The following USP7 variants were observed in gnomAD, a reference collection of about 807,000 sequenced individuals.
USP7 encodes the protein ubiquitin specific peptidase 7.
In USP7, 9 loss-of-function variants were observed where a neutral mutation model predicts 162.9. The observed-to-expected ratio is 0.06, with a 90% confidence interval of 0.03 to 0.10. USP7 has a LOEUF of 0.10. USP7 is among the 10% of genes least tolerant of loss of function. The pLI, the probability that USP7 is intolerant of heterozygous loss-of-function variation, is 1.00. For missense variants in USP7, 715 were observed against 1,373.7 expected (o/e 0.52, Z 7.58); for synonymous variants, 562 against 475.9 (o/e 1.18, Z -2.35).
At chr16:8,895,449 T>C (rs986225846) in intron 27 of USP7, among the ~76,000 whole-genome samples, 193 bp downstream of exon 27, 1 of 152,248 alleles carries the variant, frequency 6.6e-6, no homozygotes, top group Non-Finnish European at 1.5e-5. Context: ...TCTGTCTGGA[T>C]TGGGTTGGTA....
At chr16:8,908,212 G>A in intron 12 of USP7, 129 bp downstream of exon 12, 1 of 770,434 alleles carries the variant, frequency 1.3e-6, no homozygotes, top group South Asian at 1.6e-5. Context: ...TTGGGACACA[G>A]AGGTAGAAGG....
intron 10 of USP7, among the ~76,000 whole-genome samples, chr16:8,914,128 T>C (rs1438576885): frequency 1.3e-5 from 2 of 152,070 alleles, no homozygotes; most frequent in African/African-American, 4.8e-5. Flanking sequence ...GTTAAAGTAT[T>C]TAAACAAGCA....
intron 1 of USP7, among the ~76,000 whole-genome samples, chr16:8,961,966 A>G (rs1462229127): frequency 1.3e-5 from 2 of 152,172 alleles, no homozygotes; most frequent in African/African-American, 4.8e-5. Flanking sequence ...GCAGAATCCC[A>G]GCCACTTTGT....
intron 4 of USP7, 97 bp downstream of exon 4, chr16:8,921,060 G>T: frequency 7.5e-7 from 1 of 1,328,054 alleles, no homozygotes; most frequent in Non-Finnish European, 1.0e-6. Flanking sequence ...GTAAAAATCT[G>T]ACTCTAAAAT....
intron 12 of USP7, among the ~76,000 whole-genome samples, 196 bp downstream of exon 12, chr16:8,908,145 C>T (rs888727208): frequency 6.6e-6 from 1 of 152,176 alleles, no homozygotes; most frequent in Non-Finnish European, 1.5e-5. Context: ...GAAATGGACT[C>T]GGCAGAGGTT....
At position 8,899,608 on chromosome 16, in the gene USP7, A is replaced by C. The variant is rs1319085921; in HGVS notation, c.2459T>G (p.Phe820Cys). 4.3e-6 allele frequency: 7 copies of C among 1,613,994 alleles called. No homozygotes were observed. The highest frequency in any genetic ancestry group is 5.9e-6 in the Non-Finnish European group (7 of 1,179,868). Residue 820 changes from phenylalanine to cysteine, a missense_variant, in exon 22 of 31, where the codon TTT (phenylalanine) becomes TGT (cysteine). By Grantham distance (205) the Phe-to-Cys change is radical. Coordinates refer to ENST00000344836, the MANE Select transcript of USP7 (RefSeq NM_003470.3). ...AAAGGAGCATTTATTAAATACCTGA[A>C]AATAATTCATTCTATTTGATAACGT... ...VVTLSNRMNY[F>C]QVAKTVAQRL...
intron 2 of USP7, among the ~76,000 whole-genome samples, chr16:8,926,510 A>G (rs1014343588): frequency 5.3e-5 from 8 of 152,188 alleles, no homozygotes; most frequent in Admixed American, 2.6e-4. Flanking sequence ...GGAGGGCCAA[A>G]AAAAAGGAGA....
In USP7 at chr16:8,899,673, G is replaced by A; in HGVS notation, c.2394C>T (p.Phe798=). 6.2e-7 allele frequency: 1 copy of A among 1,614,186 alleles called. No homozygotes were observed. The highest frequency in any genetic ancestry group is 8.5e-7 in the Non-Finnish European group (1 of 1,180,000). Residue 798 remains phenylalanine, a synonymous_variant, in exon 22 of 31, where the codon TTC becomes TTT. Transcript: ENST00000344836. ...GATCATTAGGGATTGTTTTATCACA[G>A]AAAATGACATCAACGCGGTGGTAGA... ...RDLYHRVDVI[F]CDKTIPNDPG...
At chr16:8,938,094 G>C (rs942632740) in intron 1 of USP7, among the ~76,000 whole-genome samples, 1 of 152,068 alleles carries the variant, frequency 6.6e-6, no homozygotes, top group Non-Finnish European at 1.5e-5. Flanking sequence ...AGCTGGACTG[G>C]CAAAGGCACT....
intron 1 of USP7, among the ~76,000 whole-genome samples, chr16:8,934,310 G>A (rs894267502): frequency 1.3e-5 from 2 of 152,172 alleles, no homozygotes; most frequent in African/African-American, 2.4e-5. Flanking sequence ...GGTTTCATGA[G>A]ATGCAGTGAA....
intron 1 of USP7, among the ~76,000 whole-genome samples, chr16:8,938,665 C>G (rs1239666588): frequency 6.6e-6 from 1 of 151,110 alleles, no homozygotes; most frequent in Admixed American, 6.6e-5. Flanking sequence ...GAGCGGAGAT[C>G]GCACCACTGC....
At chr16:8,945,995 G>T (rs1441157977) in intron 1 of USP7, among the ~76,000 whole-genome samples, 1 of 152,170 alleles carries the variant, frequency 6.6e-6, no homozygotes, top group Non-Finnish European at 1.5e-5. Flanking sequence ...GAACGGACAG[G>T]GGAGAATGGA....
intron 3 of USP7, among the ~76,000 whole-genome samples, chr16:8,922,051 T>C (rs1897723907): frequency 6.6e-6 from 1 of 152,206 alleles, no homozygotes; most frequent in African/African-American, 2.4e-5. Context: ...TTTTCCAAAG[T>C]GCTTCAGGCT....
intron 2 of USP7, among the ~76,000 whole-genome samples, chr16:8,927,164 T>C (rs991023130): frequency 4.6e-5 from 7 of 151,292 alleles, no homozygotes; most frequent in African/African-American, 1.7e-4. Flanking sequence ...CTACTAAAAA[T>C]ACAAAAAATT....
In USP7 at chr16:8,930,798, G is replaced by A. The variant is rs543472712; in HGVS notation, c.80-401C>T. 5.5e-4 allele frequency among the ~76,000 whole-genome samples: 83 copies of A among 152,152 alleles called. 2 individuals carry two copies. The South Asian group carries it at 0.014, about 25-fold the overall frequency. On this transcript the variant is annotated intron_variant, in intron 1 of 30. Coordinates refer to ENST00000344836, the MANE Select transcript of USP7 (RefSeq NM_003470.3). ...AGGCTGGCCAACATGGTGAAACCCCGTCTCTACTAGAAATGCAAAAATTAG... is the reference window on the plus strand; with the variant it reads ...AGGCTGGCCAACATGGTGAAACCCCATCTCTACTAGAAATGCAAAAATTAG...
chr16:8,905,390 T>C (rs2061844019), intron 13 of USP7, 59 bp from the exon 14 acceptor site: 5 of 1,591,886 alleles, frequency 3.1e-6, no homozygotes, highest in Non-Finnish European at 4.3e-6. Context: ...TACCCAACAC[T>C]AGAAGGCAGC....
chr16:8,926,316 AAAAAT>A (rs1036131609), intron 2 of USP7, among the ~76,000 whole-genome samples: 32 of 152,024 alleles, frequency 2.1e-4, no homozygotes, highest in African/African-American at 7.7e-4. Context: ...CGTCTCTACT[AAAAAT>A]AAAAAAAATT....
intron 10 of USP7, among the ~76,000 whole-genome samples, chr16:8,914,995 C>G (rs1162640703): frequency 1.3e-5 from 2 of 152,064 alleles, no homozygotes; most frequent in East Asian, 3.9e-4. Flanking sequence ...CAAAGTTAAC[C>G]CAGGGTGTTA....
At chr16:8,956,586 G>T (rs1215470865) in intron 1 of USP7, among the ~76,000 whole-genome samples, 1 of 152,128 alleles carries the variant, frequency 6.6e-6, no homozygotes, top group Non-Finnish European at 1.5e-5. Flanking sequence ...GCAACATGGT[G>T]AAACGCCATC....
Sources: gnomAD v4.1 joint callset for allele counts (sites outside exome capture counted in the v4.1 genomes callset) on GRCh38, gnomAD v4.1.1 for gene constraint, MANE v1.5 for transcripts, NCBI Gene and HGNC (gene_info 2026-07-23, HGNC 2026-07-21) for gene names.